PPP3CB: variants seen among roughly 807,000 people sequenced by gnomAD.
PPP3CB encodes the protein serine/threonine-protein phosphatase 2B catalytic subunit beta isoform.
A neutral mutation model predicts 66.4 loss-of-function variants in PPP3CB; 8 were observed. The observed-to-expected ratio is 0.12, with a 90% CI of 0.07 to 0.22. PPP3CB has a LOEUF of 0.22. Ranked by LOEUF, PPP3CB falls within the 10% of genes least tolerant of loss-of-function variation. PPP3CB has a pLI of 1.00. For missense variants in PPP3CB, 319 were observed against 642.5 expected (o/e 0.50, Z 5.44); for synonymous variants, 208 against 221.2 (o/e 0.94, Z 0.53).
At chr10:73,482,367 AC>A (rs1824348135) in intron 1 of PPP3CB, among the ~76,000 whole-genome samples, 1 of 151,674 alleles carries the variant, frequency 6.6e-6, no homozygotes, top group African/African-American at 2.4e-5. Context: ...ACACGGTGAA[AC>A]CCCGTCTCTA....
chr10:73,458,926 C>T (rs753474973), intron 9 of PPP3CB, among the ~76,000 whole-genome samples: 25 of 151,940 alleles, frequency 1.6e-4, no homozygotes, highest in Middle Eastern at 3.4e-3. Context: ...CAAAATTAGC[C>T]GGGCGTGGTG....
Position 73,474,983 on chromosome 10 carries a change from T to G in PPP3CB, c.459A>C (p.Leu153Phe). ...ATTCATGGTTGCCTCTCAGAAGAAA[T>G]AATGTGCTTGGGTATAGAATCTTCA... ...WVLKILYPST[L>F]FLLRGNHECR... is the part of the protein sequence containing the mutation. The change falls in exon 4 of 14, where the codon TTA becomes TTC. Residue 153 changes from leucine (L) to phenylalanine (F), a missense_variant. By Grantham distance (22) the Leu-to-Phe change is conservative. Around this residue, in one of 5 missense-constraint regions of PPP3CB, gnomAD observed 51 missense variants for 139.6 expected, o/e 0.37. Coordinates refer to ENST00000360663, the MANE Select transcript of PPP3CB (RefSeq NM_021132.4). The G allele has an allele frequency of 6.2e-7, 1 of 1,614,070 alleles. No individual in the cohort carries two copies. The highest frequency in any genetic ancestry group is 8.5e-7 in the Non-Finnish European group (1 of 1,180,008).
chr10:73,482,767 G>A (rs548361264), intron 1 of PPP3CB, among the ~76,000 whole-genome samples: 9 of 151,622 alleles, frequency 5.9e-5, no homozygotes, highest in African/African-American at 9.7e-5. Flanking sequence ...ACAGGCACCC[G>A]CCACCACACC....
chr10:73,437,508 C>T lies in PPP3CB; in HGVS notation c.*734G>A, dbSNP rs536153174. On this transcript the variant is annotated 3_prime_UTR_variant, in exon 14 of 14. Transcript: ENST00000360663. ...TTTAAAGTACCTTAAATGAGTAATT[C>T]TGTAATTCTTCATAATTTTGAAATT... 13 of 152,690 alleles carry T rather than the reference C, an allele frequency of 8.5e-5. No individual in the cohort carries two copies. Among genetic ancestry groups the T allele is most frequent in the Non-Finnish European group, 1.3e-4 (9 of 68,016 alleles). The allele number at this position is 152,690 out of a possible 1,614,324, so 9.5% of individuals were successfully genotyped here. A position where few individuals can be genotyped will look rare whatever the true frequency, so the allele number is the denominator to read the frequency against.
At chr10:73,451,264 TA>T (rs1026711182) in intron 10 of PPP3CB, among the ~76,000 whole-genome samples, 1 of 151,922 alleles carries the variant, frequency 6.6e-6, no homozygotes, top group African/African-American at 2.4e-5. Context: ...ATAAATGACA[TA>T]TTTTTAAAAG....
At chr10:73,486,745 G>C (rs539673391) in intron 1 of PPP3CB, among the ~76,000 whole-genome samples, 6 of 152,288 alleles carry the variant, frequency 3.9e-5, no homozygotes, top group African/African-American at 1.2e-4. Context: ...ACTAATCTCA[G>C]TGGAGGCTTC....
chr10:73,495,722 C>T (rs1167761436), intron 1 of PPP3CB, 83 bp downstream of exon 1: 46 of 1,500,322 alleles, frequency 3.1e-5, no homozygotes, highest in Non-Finnish European at 4.0e-5. Context: ...TCCGGGCCCA[C>T]TCCCGAGGGG....
At chr10:73,438,902 T>A (rs1240722952) in intron 13 of PPP3CB, among the ~76,000 whole-genome samples, 1 of 152,132 alleles carries the variant, frequency 6.6e-6, no homozygotes, top group Non-Finnish European at 1.5e-5. Context: ...TAAAGAAAGG[T>A]TAAAATACAG....
intron 1 of PPP3CB, among the ~76,000 whole-genome samples, chr10:73,487,882 C>T (rs1270431711): frequency 2.0e-5 from 3 of 151,446 alleles, no homozygotes; most frequent in African/African-American, 4.9e-5. Context: ...CAGGTTCAAG[C>T]GATTCTCCCT....
chr10:73,460,110 G>A (rs2056496630), intron 9 of PPP3CB, among the ~76,000 whole-genome samples: 1 of 152,088 alleles, frequency 6.6e-6, no homozygotes, highest in African/African-American at 2.4e-5. Flanking sequence ...TGAGGCTGAA[G>A]AGAAAGTAGG....
chr10:73,494,697 G>T (rs1410927954), intron 1 of PPP3CB, among the ~76,000 whole-genome samples: 1 of 151,594 alleles, frequency 6.6e-6, no homozygotes, highest in African/African-American at 2.4e-5. Context: ...ATATTTTAAT[G>T]GAAACATATG....
chr10:73,450,276 T>C (rs116319861), intron 10 of PPP3CB, among the ~76,000 whole-genome samples: 60 of 152,234 alleles, frequency 3.9e-4, no homozygotes, highest in African/African-American at 1.4e-3. Flanking sequence ...TGGTTCACCG[T>C]TGTGTAGGAA....
intron 12 of PPP3CB, chr10:73,443,645 T>C (rs1057226215): frequency 6.6e-6 from 1 of 152,218 alleles, no homozygotes; most frequent in Non-Finnish European, 1.5e-5. Context: ...ACTGAATTAC[T>C]GTGTATGGTC....
At chr10:73,452,748 C>T (rs1167090083) in intron 10 of PPP3CB, among the ~76,000 whole-genome samples, 1 of 150,952 alleles carries the variant, frequency 6.6e-6, no homozygotes, top group East Asian at 1.9e-4. Context: ...TTATTATTCA[C>T]TAAAGTTTAC....
rs1161057921 is a variant in PPP3CB at position 73,440,740 on chromosome 10, T to C, written c.1367-839A>G. Among the ~76,000 whole-genome samples, 14 of 152,276 alleles carry C rather than the reference T, an allele frequency of 9.2e-5. No homozygotes were observed. In the East Asian group the frequency reaches 2.7e-3, roughly 29 times the overall value. ...AACTCATCTACCAATTAAAGAGACA[T>C]TAAGGAAGAGAAGTGAGGTCTTACA... On this transcript the variant is annotated intron_variant, in intron 12 of 13. Coordinates refer to ENST00000360663, the MANE Select transcript of PPP3CB (RefSeq NM_021132.4).
chr10:73,446,029 G>A (rs370163175), intron 11 of PPP3CB, among the ~76,000 whole-genome samples: 363 of 152,088 alleles, frequency 2.4e-3, no homozygotes, highest in African/African-American at 8.3e-3. Flanking sequence ...TTACAGGCGT[G>A]AGCCACCACG....
At chr10:73,474,483 C>T (rs904401388) in intron 4 of PPP3CB, among the ~76,000 whole-genome samples, 2 of 151,796 alleles carry the variant, frequency 1.3e-5, no homozygotes, top group Non-Finnish European at 2.9e-5. Flanking sequence ...GGCAATTGTC[C>T]GTGCAGTGGC....
chr10:73,443,340 G>GAAAAAGA (rs1268286633), intron 12 of PPP3CB, among the ~76,000 whole-genome samples: 1 of 142,432 alleles, frequency 7.0e-6, no homozygotes, highest in Admixed American at 7.0e-5. Flanking sequence ...AAAAGAAAGA[G>GAAAAAGA]AAGAGAAGAG....
chr10:73,452,342 T>A (rs2056360050), intron 10 of PPP3CB, among the ~76,000 whole-genome samples: 1 of 152,144 alleles, frequency 6.6e-6, no homozygotes, highest in Admixed American at 6.5e-5. Flanking sequence ...AACTAGAATC[T>A]GAGCCCAGGT....
Sources: gnomAD v4.1 joint callset for allele counts (sites outside exome capture counted in the v4.1 genomes callset) on GRCh38, gnomAD v4.1.1 for gene constraint, gnomAD v4.1.1 regional missense constraint, MANE v1.5 for transcripts, NCBI Gene and HGNC (gene_info 2026-07-23, HGNC 2026-07-21) for gene names.